MITF: variants seen among roughly 807,000 people sequenced by gnomAD.
MITF encodes microphthalmia-associated transcription factor.
A neutral mutation model predicts 60.5 loss-of-function variants in MITF; 17 were observed. The ratio of observed to expected loss-of-function variants is 0.28; its 90% confidence interval spans 0.19 to 0.42. The LOEUF is 0.42. MITF is among the 10% of genes least tolerant of loss of function. The pLI, the probability that MITF is intolerant of heterozygous loss-of-function variation, is 1.00. For missense variants in MITF, 622 were observed against 683.5 expected, an observed-to-expected ratio of 0.91 and a Z score of 1.00; for synonymous variants, 260 against 248.5, an observed-to-expected ratio of 1.05 and a Z score of -0.43.
chr3:69,764,823 A>G (rs961937199), intron 1 of MITF, among the ~76,000 whole-genome samples: 3 of 152,138 alleles, frequency 2.0e-5, no homozygotes, highest in Admixed American at 6.5e-5. Context: ...CTCTGTCCTC[A>G]TCATTTTCTT....
chr3:69,881,116 A>G (rs2064477162), intron 2 of MITF, among the ~76,000 whole-genome samples: 1 of 152,090 alleles, frequency 6.6e-6, no homozygotes, highest in Non-Finnish European at 1.5e-5. Flanking sequence ...AGTTGTTTGA[A>G]TAACATACCA....
At chr3:69,839,669 G>T (rs1393945483) in intron 1 of MITF, among the ~76,000 whole-genome samples, 1 of 151,714 alleles carries the variant, frequency 6.6e-6, no homozygotes, top group Non-Finnish European at 1.5e-5. Context: ...ATTCTGAATG[G>T]TAGTTATATC....
intron 1 of MITF, among the ~76,000 whole-genome samples, chr3:69,756,540 G>T (rs1704154962): frequency 6.6e-6 from 1 of 152,114 alleles, no homozygotes; most frequent in Non-Finnish European, 1.5e-5. Context: ...ATCATTGATG[G>T]GCATTTGGGT....
chr3:69,865,150 T>A (rs1007095550), intron 1 of MITF, among the ~76,000 whole-genome samples: 2 of 152,094 alleles, frequency 1.3e-5, no homozygotes, highest in African/African-American at 4.8e-5. Flanking sequence ...TGGCCGAGAC[T>A]CCTGGCTAGA....
chr3:69,809,741 T>A (rs2063071304), intron 1 of MITF, among the ~76,000 whole-genome samples: 2 of 152,140 alleles, frequency 1.3e-5, no homozygotes, highest in South Asian at 4.1e-4. Context: ...TGTTTGCTTC[T>A]TTTGTGGGCT....
intron 1 of MITF, among the ~76,000 whole-genome samples, chr3:69,775,714 T>C (rs2062463133): frequency 6.6e-6 from 1 of 152,172 alleles, no homozygotes; most frequent in Non-Finnish European, 1.5e-5. Context: ...TTCATAATCC[T>C]TTTTTGGAGG....
At chr3:69,947,119 A>C (rs1313687768) in intron 5 of MITF, among the ~76,000 whole-genome samples, 1 of 152,220 alleles carries the variant, frequency 6.6e-6, no homozygotes, top group African/African-American at 2.4e-5. Context: ...AAATCATCAT[A>C]ATAACACAGT....
chr3:69,925,824 G>T lies in MITF; in HGVS notation c.355-11998G>T, dbSNP rs1326362981. ...CCATAGCTGGCTTCTCATCATTGAGGTTCCACCCAACTTGTTGCTTCTAGA... is the reference window on the plus strand; with the variant it reads ...CCATAGCTGGCTTCTCATCATTGAGTTTCCACCCAACTTGTTGCTTCTAGA... On this transcript the variant is annotated intron_variant, in intron 2 of 9. Transcript: ENST00000352241. 2.6e-5 allele frequency among the ~76,000 whole-genome samples: 4 copies of T among 152,268 alleles called. No homozygotes were observed. The East Asian group carries it at 5.8e-4, about 22-fold the overall frequency.
chr3:69,859,057 A>G (rs1372010191), intron 1 of MITF, among the ~76,000 whole-genome samples: 1 of 152,232 alleles, frequency 6.6e-6, no homozygotes, highest in Non-Finnish European at 1.5e-5. Flanking sequence ...CTTGAGACTC[A>G]TAAGTCGAAT....
intron 1 of MITF, among the ~76,000 whole-genome samples, chr3:69,873,974 T>G (rs912102456): frequency 5.9e-5 from 9 of 152,170 alleles, no homozygotes; most frequent in African/African-American, 2.2e-4. Flanking sequence ...TCAGCTAGCC[T>G]TTTGCATTTT....
chr3:69,855,550 T>A (rs1471180389), intron 1 of MITF, among the ~76,000 whole-genome samples: 1 of 152,092 alleles, frequency 6.6e-6, no homozygotes, highest in Non-Finnish European at 1.5e-5. Context: ...CCCGTAACTT[T>A]GTGTAATGAT....
intron 2 of MITF, among the ~76,000 whole-genome samples, chr3:69,886,937 C>T (rs939743527): frequency 6.6e-6 from 1 of 152,020 alleles, no homozygotes; most frequent in Non-Finnish European, 1.5e-5. Context: ...TGAGTATTTA[C>T]TAATATATTT....
At chr3:69,743,034 C>G (rs1703589869) in intron 1 of MITF, among the ~76,000 whole-genome samples, 1 of 152,228 alleles carries the variant, frequency 6.6e-6, no homozygotes, top group African/African-American at 2.4e-5. Flanking sequence ...TCCTTGCTCA[C>G]TATTGTGTCC....
At chr3:69,815,828 A>C (rs2063173214) in intron 1 of MITF, among the ~76,000 whole-genome samples, 1 of 152,052 alleles carries the variant, frequency 6.6e-6, no homozygotes, top group African/African-American at 2.4e-5. Context: ...TTTTGTAAGG[A>C]GTGTTGAATT....
In MITF at chr3:69,748,542, G is replaced by C. The variant is rs554975512; in HGVS notation, c.104+8841G>C. On this transcript the variant is annotated intron_variant, in intron 1 of 9. Transcript: ENST00000352241. ...AGGCATGAGCCACCATGCCCGGCCAGAGTGATAACTTTCACAACGAAAAAT... is the reference window on the plus strand; with the variant it reads ...AGGCATGAGCCACCATGCCCGGCCACAGTGATAACTTTCACAACGAAAAAT... Among the ~76,000 whole-genome samples, 3 of 152,250 alleles carry C rather than the reference G, an allele frequency of 2.0e-5. No homozygotes were observed. The East Asian group carries it at 5.8e-4, about 29-fold the overall frequency.
At chr3:69,862,628 C>CT (rs1473215924) in intron 1 of MITF, among the ~76,000 whole-genome samples, 1 of 152,184 alleles carries the variant, frequency 6.6e-6, no homozygotes, top group Non-Finnish European at 1.5e-5. Context: ...TCCCTTATCT[C>CT]TTTTCTAACC....
chr3:69,777,529 A>G lies in MITF; in HGVS notation c.104+37828A>G, dbSNP rs947062953. Among the ~76,000 whole-genome samples the G allele has an allele frequency of 3.9e-5, 6 of 152,216 alleles. No individual in the cohort carries two copies. In the East Asian group the frequency reaches 1.2e-3, roughly 29 times the overall value. On this transcript the variant is annotated intron_variant, in intron 1 of 9. Coordinates refer to ENST00000352241, the MANE Select transcript of MITF (RefSeq NM_001354604.2). ...GTTTGAGAAAAGCAGGGCTTTGAGT[A>G]GCATTGGTCCTGAAGTCCTCTGTGT...
intron 1 of MITF, among the ~76,000 whole-genome samples, chr3:69,853,674 T>A (rs976330879): frequency 1.3e-5 from 2 of 152,138 alleles, no homozygotes; most frequent in African/African-American, 4.8e-5. Context: ...TTTAGAATCG[T>A]TGACTACATC....
chr3:69,855,260 CAAAA>C (rs33962275), intron 1 of MITF, among the ~76,000 whole-genome samples: 3 of 84,598 alleles, frequency 3.5e-5, no homozygotes, highest in Non-Finnish European at 7.0e-5. Context: ...TTCCCATAAG[CAAAA>C]AAAAAAAAAA....
Sources: gnomAD v4.1 joint callset for allele counts (sites outside exome capture counted in the v4.1 genomes callset) on GRCh38, gnomAD v4.1.1 for gene constraint, MANE v1.5 for transcripts, NCBI Gene and HGNC (gene_info 2026-07-23, HGNC 2026-07-21) for gene names.